DLG2: variants seen among roughly 807,000 people sequenced by gnomAD.
DLG2 encodes disks large homolog 2.
Under a neutral mutation model 132.5 loss-of-function variants are expected in DLG2, and 45 were observed. The ratio of observed to expected loss-of-function variants is 0.34; its 90% CI spans 0.27 to 0.44. The LOEUF (loss-of-function observed/expected upper bound fraction) is 0.44, where lower values mean the gene tolerates loss of function less well. DLG2 is among the 20% of genes least tolerant of loss of function. The pLI is 1.00. For missense variants in DLG2, 1,045 were observed against 1,196.9 expected (o/e 0.87, Z 1.87); for synonymous variants, 424 against 419.6 (o/e 1.01, Z -0.13).
intron 3 of DLG2, among the ~76,000 whole-genome samples, chr11:85,287,239 G>A (rs1277124226): frequency 2.0e-5 from 3 of 151,804 alleles, no homozygotes; most frequent in African/African-American, 7.3e-5. Flanking sequence ...AAAAGACAAG[G>A]TACAAATTGA....
intron 8 of DLG2, among the ~76,000 whole-genome samples, chr11:84,176,108 G>A (rs2095957232): frequency 6.6e-6 from 1 of 151,714 alleles, no homozygotes; most frequent in African/African-American, 2.4e-5. Context: ...TTTCCTGCAA[G>A]CAATAACCAT....
chr11:84,982,899 C>CT (rs1051800461), intron 6 of DLG2, among the ~76,000 whole-genome samples: 2 of 152,070 alleles, frequency 1.3e-5, no homozygotes, highest in Admixed American at 6.5e-5. Context: ...GATAATAATT[C>CT]TTGAAAAGTA....
At chr11:85,212,260 G>A (rs939166973) in intron 4 of DLG2, among the ~76,000 whole-genome samples, 1 of 152,004 alleles carries the variant, frequency 6.6e-6, no homozygotes, top group African/African-American at 2.4e-5. Flanking sequence ...ACCCCGAATC[G>A]AGATTTGAAG....
At chr11:84,992,211 T>C (rs1401485073) in intron 6 of DLG2, among the ~76,000 whole-genome samples, 2 of 152,166 alleles carry the variant, frequency 1.3e-5, no homozygotes, top group African/African-American at 2.4e-5. Flanking sequence ...GTTAAATTAC[T>C]TCAATATTTT....
chr11:85,241,014 ATT>A (rs1369168191), intron 4 of DLG2, among the ~76,000 whole-genome samples: 1 of 151,658 alleles, frequency 6.6e-6, no homozygotes, highest in Non-Finnish European at 1.5e-5. Context: ...GAAATTTGAC[ATT>A]TTCATATTAA....
At chr11:84,496,341 T>A (rs2099183881) in intron 7 of DLG2, among the ~76,000 whole-genome samples, 1 of 152,144 alleles carries the variant, frequency 6.6e-6, no homozygotes, top group South Asian at 2.1e-4. Flanking sequence ...GAGCTCTGTG[T>A]GTTTTCAGAG....
At chr11:83,621,257 C>T (rs898351733) in intron 19 of DLG2, among the ~76,000 whole-genome samples, 7 of 152,088 alleles carry the variant, frequency 4.6e-5, no homozygotes, top group Non-Finnish European at 1.0e-4. Flanking sequence ...TCCCTATCAA[C>T]GCCATGATTT....
chr11:83,730,167 T>TC (rs57220123), intron 18 of DLG2, among the ~76,000 whole-genome samples: 2 of 143,218 alleles, frequency 1.4e-5, no homozygotes, highest in African/African-American at 5.0e-5. Context: ...TTTTTTTTTT[T>TC]ACAATGTTAA....
chr11:85,323,230 G>C (rs2081203817), intron 3 of DLG2, among the ~76,000 whole-genome samples: 1 of 152,092 alleles, frequency 6.6e-6, no homozygotes, highest in Admixed American at 6.5e-5. Flanking sequence ...ATCACTAACA[G>C]TCTCCTAAAA....
chr11:84,037,984 T>C (rs1056295913), intron 11 of DLG2, among the ~76,000 whole-genome samples: 27 of 152,116 alleles, frequency 1.8e-4, no homozygotes, highest in African/African-American at 6.5e-4. Context: ...TTAACTTTTA[T>C]TTTAAGTTCA....
At chr11:84,424,096 T>C (rs375541592) in intron 7 of DLG2, among the ~76,000 whole-genome samples, 79 of 152,210 alleles carry the variant, frequency 5.2e-4, no homozygotes, top group African/African-American at 1.8e-3. Flanking sequence ...TGGGTAGATA[T>C]CAAAGCAGAC....
chr11:85,450,703 A>G (rs571328873), intron 3 of DLG2, among the ~76,000 whole-genome samples: 1 of 152,196 alleles, frequency 6.6e-6, no homozygotes, highest in Admixed American at 6.5e-5. Context: ...TCATCATTAC[A>G]TTGAAACTAT....
intron 19 of DLG2, among the ~76,000 whole-genome samples, chr11:83,617,290 G>T (rs879733435): frequency 2.0e-5 from 3 of 152,150 alleles, no homozygotes; most frequent in South Asian, 2.1e-4. Context: ...TCATGAATAA[G>T]GTATACCCCA....
At chr11:85,167,667 GC>G (rs2078557601) in intron 4 of DLG2, among the ~76,000 whole-genome samples, 2 of 152,000 alleles carry the variant, frequency 1.3e-5, no homozygotes, top group African/African-American at 4.8e-5. Context: ...CTGCATGGCT[GC>G]CCACTCTTCA....
chr11:84,939,837 T>C (rs973573139), intron 6 of DLG2, among the ~76,000 whole-genome samples: 1 of 152,244 alleles, frequency 6.6e-6, no homozygotes, highest in Non-Finnish European at 1.5e-5. Context: ...GATGGACATT[T>C]AAGTTGCTTC....
Position 83,690,666 on chromosome 11 carries a change from G to A in DLG2, c.1826-57341C>T, listed in dbSNP as rs11233716. ...CTCTGTAGAGGGTATCAAACATTTC[G>A]GTCCATGCTGTGGGTGGGGGTGGGG... On this transcript the variant is annotated intron_variant, in intron 18 of 27. Transcript: ENST00000376104. Among the ~76,000 whole-genome samples, 49 of 143,452 alleles carry A rather than the reference G, an allele frequency of 3.4e-4. No individual in the cohort carries two copies. In the East Asian group the frequency reaches 8.9e-3, roughly 26 times the overall value. The allele number at this position is 143,452 out of a possible 152,430, so 94.1% of individuals were successfully genotyped here.
chr11:85,293,990 C>A (rs1403399975), intron 3 of DLG2, among the ~76,000 whole-genome samples: 14 of 152,004 alleles, frequency 9.2e-5, no homozygotes, highest in Admixed American at 9.2e-4. Flanking sequence ...ACCTGTAATT[C>A]CAACACTTTG....
chr11:84,959,363 G>A (rs974317543), intron 6 of DLG2, among the ~76,000 whole-genome samples: 1 of 152,152 alleles, frequency 6.6e-6, no homozygotes, highest in Non-Finnish European at 1.5e-5. Context: ...ATGTTCTAGG[G>A]GCTCAGGAGG....
At chr11:83,816,008 G>A (rs1165284451) in intron 17 of DLG2, among the ~76,000 whole-genome samples, 1 of 152,118 alleles carries the variant, frequency 6.6e-6, no homozygotes, top group Non-Finnish European at 1.5e-5. Flanking sequence ...GCATCACTGT[G>A]TCTAATTCCC....
Sources: gnomAD v4.1 joint callset for allele counts (sites outside exome capture counted in the v4.1 genomes callset) on GRCh38, gnomAD v4.1.1 for gene constraint, MANE v1.5 for transcripts, NCBI Gene and HGNC (gene_info 2026-07-23, HGNC 2026-07-21) for gene names.